TMC1: variants seen among roughly 807,000 people sequenced by gnomAD.
TMC1 encodes transmembrane channel-like protein 1.
Under a neutral mutation model 105.8 loss-of-function variants are expected in TMC1, and 84 were observed. The ratio of observed to expected loss-of-function variants is 0.79; its 90% CI spans 0.67 to 0.95. The LOEUF (loss-of-function observed/expected upper bound fraction) is 0.95, where lower values mean the gene tolerates loss of function less well. Ranked by LOEUF, TMC1 falls within the 40% of genes least tolerant of loss-of-function variation. The pLI is 0.00. For synonymous variants in TMC1, 315 were observed against 311.5 expected, an observed-to-expected ratio of 1.01 and a Z score of -0.12; for missense variants, 817 against 914.1, an observed-to-expected ratio of 0.89 and a Z score of 1.37.
chr9:72,625,803 T>A (rs1296578030), intron 3 of TMC1, among the ~76,000 whole-genome samples: 1 of 152,150 alleles, frequency 6.6e-6, no homozygotes, highest in Non-Finnish European at 1.5e-5. Flanking sequence ...AGTGACCTTG[T>A]TTTGTCTGTC....
At chr9:72,619,675 AAATT>A (rs1825206375) in intron 3 of TMC1, among the ~76,000 whole-genome samples, 1 of 151,840 alleles carries the variant, frequency 6.6e-6, no homozygotes, top group South Asian at 2.1e-4. Flanking sequence ...AAAAAATTAA[AAATT>A]AATATATTTT....
intron 9 of TMC1, chr9:72,741,717 C>CT (rs1827393004): frequency 6.6e-6 from 1 of 152,544 alleles, no homozygotes; most frequent in Admixed American, 6.5e-5. Context: ...ACAATAGTGC[C>CT]TGTCCAGCTC....
At chr9:72,818,632 T>C (rs1365879208) in intron 19 of TMC1, 1 of 152,156 alleles carries the variant, frequency 6.6e-6, no homozygotes, top group African/African-American at 2.4e-5. Flanking sequence ...GCTGATGTAA[T>C]AAGGAGAGTT....
intron 8 of TMC1, among the ~76,000 whole-genome samples, chr9:72,731,878 C>G (rs917776336): frequency 2.0e-5 from 3 of 152,170 alleles, no homozygotes; most frequent in African/African-American, 7.2e-5. Context: ...ACCACTCCAT[C>G]TCTCATCTCA....
intron 9 of TMC1, chr9:72,741,566 A>C (rs1031312526): frequency 1.2e-5 from 2 of 165,742 alleles, no homozygotes; most frequent in African/African-American, 4.8e-5. Flanking sequence ...CCAAGGGTTC[A>C]AACTCCAGAG....
intron 18 of TMC1, among the ~76,000 whole-genome samples, chr9:72,806,309 G>A (rs1163466044): frequency 3.1e-4 from 46 of 147,668 alleles, no homozygotes; most frequent in Non-Finnish European, 5.4e-4. Flanking sequence ...GGGCAGAGGC[G>A]CCCCTCACCT....
chr9:72,573,289 T>C (rs1824318846), intron 1 of TMC1, among the ~76,000 whole-genome samples: 1 of 152,182 alleles, frequency 6.6e-6, no homozygotes, highest in South Asian at 2.1e-4. Context: ...TGTTCTAACA[T>C]AAATTTGAGG....
intron 13 of TMC1, among the ~76,000 whole-genome samples, chr9:72,787,556 A>G (rs1336703729): frequency 6.6e-6 from 1 of 152,062 alleles, no homozygotes; most frequent in Non-Finnish European, 1.5e-5. Flanking sequence ...GAAAGGGAAA[A>G]AAGGAAGTGG....
At chr9:72,550,657 C>CAAAAA (rs71493659) in intron 1 of TMC1, among the ~76,000 whole-genome samples, 62 of 61,726 alleles carry the variant, frequency 1.0e-3, no homozygotes, top group Admixed American at 2.6e-3. Flanking sequence ...GACTCCATCT[C>CAAAAA]AAAAAAAAAA....
intron 2 of TMC1, among the ~76,000 whole-genome samples, chr9:72,611,589 G>C (rs1423530299): frequency 1.3e-5 from 2 of 152,078 alleles, no homozygotes; most frequent in East Asian, 1.9e-4. Flanking sequence ...GAGAAGGTAG[G>C]GGGCAGGAGG....
chr9:72,787,613 A>G, intron 13 of TMC1, among the ~76,000 whole-genome samples: 1 of 151,990 alleles, frequency 6.6e-6, no homozygotes, highest in East Asian at 1.9e-4. Context: ...ACCTGTGAGT[A>G]AATGCATTTT....
intron 2 of TMC1, among the ~76,000 whole-genome samples, chr9:72,606,578 G>A (rs1824916791): frequency 6.6e-6 from 1 of 152,108 alleles, no homozygotes; most frequent in Non-Finnish European, 1.5e-5. Context: ...TAACCAATTA[G>A]TGAAAAATGA....
chr9:72,688,736 A>C lies in TMC1; in HGVS notation c.44A>C (p.Asp15Ala), dbSNP rs779209726. ...CAAATCAAAGTGGAGGAAAAAGAAG[A>C]CGAGACTGAGGAAAGCTCAAGTAAG... ...KVQIKVEEKEDETEESSSEEE... is the reference protein window; with the variant it reads ...KVQIKVEEKEAETEESSSEEE... The change falls in exon 6 of 24, where the codon GAC becomes GCC. Residue 15 changes from aspartate (D) to alanine (A), a missense_variant. Transcript: ENST00000297784. 6.2e-7 allele frequency: 1 copy of C among 1,612,160 alleles called. No individual in the cohort carries two copies. The highest frequency in any genetic ancestry group is 8.5e-7 in the Non-Finnish European group (1 of 1,178,848).
chr9:72,830,734 C>A, intron 23 of TMC1, 52 bp downstream of exon 23: 192 of 1,235,012 alleles, frequency 1.6e-4, no homozygotes, highest in Non-Finnish European at 2.0e-4. Flanking sequence ...TTTTCTTTTT[C>A]TTTCTTTTTT....
chr9:72,597,743 C>T (rs1360336026), intron 2 of TMC1, among the ~76,000 whole-genome samples: 2 of 152,182 alleles, frequency 1.3e-5, no homozygotes, highest in Admixed American at 6.5e-5. Flanking sequence ...ATAACAACCG[C>T]GTACTAATAC....
At chr9:72,580,581 T>TGC (rs1316787382) in intron 2 of TMC1, among the ~76,000 whole-genome samples, 5 of 152,010 alleles carry the variant, frequency 3.3e-5, no homozygotes, top group Non-Finnish European at 5.9e-5. Context: ...TGTGTGTGTG[T>TGC]GCATGCCAGT....
At position 72,789,196 on chromosome 9, in the gene TMC1, C is replaced by T; in HGVS notation, c.1103C>T (p.Ala368Val). Residue 368 changes from alanine (A) to valine (V), a missense_variant, in exon 15 of 24, where the codon GCT (alanine) becomes GTT (valine). Transcript: ENST00000297784. Reference protein sequence around the residue: ...VHLIRFLRFLANFFVFLTLGG... With the variant: ...VHLIRFLRFLVNFFVFLTLGG... ...TTGATCAGATTCCTGAGGTTTCTGGCTAACTTCTTCGTGTTTCTAACACTT... is the reference window on the plus strand; with the variant it reads ...TTGATCAGATTCCTGAGGTTTCTGGTTAACTTCTTCGTGTTTCTAACACTT... 1 of 1,613,816 alleles carries T rather than the reference C, an allele frequency of 6.2e-7. No homozygotes were observed. The highest frequency in any genetic ancestry group is 8.5e-7 in the Non-Finnish European group (1 of 1,179,956).
chr9:72,703,263 A>T (rs1826676552), intron 8 of TMC1, among the ~76,000 whole-genome samples: 1 of 151,880 alleles, frequency 6.6e-6, no homozygotes, highest in Non-Finnish European at 1.5e-5. Context: ...CGTACCTGGG[A>T]CTATATGTGC....
intron 1 of TMC1, among the ~76,000 whole-genome samples, chr9:72,574,820 C>T (rs1476501935): frequency 2.6e-5 from 4 of 152,212 alleles, no homozygotes; most frequent in Admixed American, 6.5e-5. Flanking sequence ...CCCACATACG[C>T]TGCTGATCTC....
Sources: gnomAD v4.1 joint callset for allele counts (sites outside exome capture counted in the v4.1 genomes callset) on GRCh38, gnomAD v4.1.1 for gene constraint, MANE v1.5 for transcripts, NCBI Gene and HGNC (gene_info 2026-07-23, HGNC 2026-07-21) for gene names.